The following EIF4G3 variants were observed in gnomAD, a reference collection of about 807,000 sequenced individuals.
EIF4G3 encodes eukaryotic translation initiation factor 4 gamma 3, also known as eIF-4-gamma 3.
Under a neutral mutation model 186.4 loss-of-function variants are expected in EIF4G3, and 34 were observed. The observed-to-expected ratio is 0.18, with a 90% CI of 0.14 to 0.24. EIF4G3 has a LOEUF of 0.24. Ranked by LOEUF, EIF4G3 falls within the 10% of genes least tolerant of loss-of-function variation. The pLI, the probability that EIF4G3 is intolerant of heterozygous loss-of-function variation, is 1.00. For missense variants in EIF4G3, 1,536 were observed against 1,948.5 expected, an observed-to-expected ratio of 0.79 and a Z score of 3.99; for synonymous variants, 673 against 679.5, an observed-to-expected ratio of 0.99 and a Z score of 0.15.
chr1:21,141,460 G>T (rs1435015906), intron 2 of EIF4G3, among the ~76,000 whole-genome samples: 35 of 112,052 alleles, frequency 3.1e-4, no homozygotes, highest in South Asian at 1.2e-3. Context: ...AAGAACTTTT[G>T]TATTTTTTTC....
intron 4 of EIF4G3, among the ~76,000 whole-genome samples, chr1:21,022,303 T>A (rs931829177): frequency 6.6e-6 from 1 of 152,224 alleles, no homozygotes; most frequent in Non-Finnish European, 1.5e-5. Flanking sequence ...TATCTGATTA[T>A]GCTAAATGTA....
intron 2 of EIF4G3, among the ~76,000 whole-genome samples, chr1:21,115,275 T>C (rs999913757): frequency 4.6e-5 from 7 of 152,158 alleles, no homozygotes; most frequent in African/African-American, 1.7e-4. Flanking sequence ...ATTGGCCTAA[T>C]TTCAATATAT....
At chr1:20,959,120 G>A (rs1267981842) in intron 12 of EIF4G3, among the ~76,000 whole-genome samples, 1 of 151,910 alleles carries the variant, frequency 6.6e-6, no homozygotes, top group Non-Finnish European at 1.5e-5. Flanking sequence ...AAATCTGGGG[G>A]CATCACAATT....
chr1:21,138,272 G>GTCAGAGCTC (rs1407468401), intron 2 of EIF4G3, among the ~76,000 whole-genome samples: 1 of 152,180 alleles, frequency 6.6e-6, no homozygotes, highest in East Asian at 1.9e-4. Context: ...GAAGCTAAAA[G>GTCAGAGCTC]TCAGAGCTCT....
chr1:21,079,988 CA>C (rs2095715473), intron 3 of EIF4G3, among the ~76,000 whole-genome samples: 2 of 151,512 alleles, frequency 1.3e-5, no homozygotes, highest in South Asian at 4.2e-4. Flanking sequence ...CCGTCACTAC[CA>C]AAAATATAAA....
intron 2 of EIF4G3, among the ~76,000 whole-genome samples, chr1:21,161,267 G>A (rs755821876): frequency 5.9e-5 from 9 of 152,150 alleles, no homozygotes; most frequent in Non-Finnish European, 1.2e-4. Flanking sequence ...ACTTTGGGAG[G>A]CCGAGGCGGG....
intron 33 of EIF4G3, among the ~76,000 whole-genome samples, chr1:20,821,821 C>T (rs2062450474): frequency 6.6e-6 from 1 of 152,034 alleles, no homozygotes; most frequent in Admixed American, 6.6e-5. Context: ...ATTATGTATA[C>T]ATCAGTTTTC....
intron 30 of EIF4G3, among the ~76,000 whole-genome samples, chr1:20,829,675 C>T (rs753648635): frequency 6.6e-6 from 1 of 152,198 alleles, no homozygotes; most frequent in Non-Finnish European, 1.5e-5. Flanking sequence ...ATCATATTCT[C>T]TGAGTCAGTC....
At chr1:21,072,692 A>G (rs1027342692) in intron 3 of EIF4G3, among the ~76,000 whole-genome samples, 3 of 152,140 alleles carry the variant, frequency 2.0e-5, no homozygotes, top group African/African-American at 7.2e-5. Flanking sequence ...GTGAGCCACC[A>G]CGCCTAGCCT....
chr1:20,815,651 G>GT (rs1472046959), intron 34 of EIF4G3, among the ~76,000 whole-genome samples: 1 of 67,282 alleles, frequency 1.5e-5, no homozygotes, highest in Non-Finnish European at 3.9e-5. Flanking sequence ...GAGGGAGGTG[G>GT]GGGGGGGTCA....
rs188579429 is a variant in EIF4G3, at chr1:21,018,356, C to T, written c.-66-15548G>A. 9.8e-3 allele frequency among the ~76,000 whole-genome samples: 1,485 copies of T among 151,986 alleles called. 22 individuals carry two copies. The highest frequency in any genetic ancestry group is 0.016 in the Non-Finnish European group (1,086 of 67,938). ...TAGCCCTTTGGGAGGCCGAGGCGGG[C>T]GGATCACAAGGTCAGTAGTTCAAGA... is the stretch of plus-strand genomic sequence containing the variant. On this transcript the variant is annotated intron_variant, in intron 4 of 36. Transcript: ENST00000602326.
chr1:21,051,063 T>C, intron 3 of EIF4G3, 69 bp from the exon 4 acceptor site: 1 of 699,020 alleles, frequency 1.4e-6, no homozygotes, highest in Non-Finnish European at 2.6e-6. Flanking sequence ...ACAGCTGAAC[T>C]ATCTGATTTT....
chr1:20,960,865 A>G (rs1476695199), intron 12 of EIF4G3, among the ~76,000 whole-genome samples: 1 of 152,232 alleles, frequency 6.6e-6, no homozygotes, highest in African/African-American at 2.4e-5. Flanking sequence ...ACATATGTCA[A>G]AGTATTTATT....
At chr1:20,984,446 A>G (rs2154567051) in intron 7 of EIF4G3, among the ~76,000 whole-genome samples, 1 of 151,174 alleles carries the variant, frequency 6.6e-6, no homozygotes, top group East Asian at 2.0e-4. Context: ...GATTACAAAC[A>G]TGAGCCACTG....
intron 2 of EIF4G3, among the ~76,000 whole-genome samples, chr1:21,152,006 G>T (rs1185482627): frequency 1.3e-5 from 2 of 152,168 alleles, no homozygotes; most frequent in African/African-American, 4.8e-5. Context: ...CATGAGGTAA[G>T]ACTGATCCAG....
In EIF4G3 at chr1:20,893,480, T is replaced by C. The variant is rs376861171; in HGVS notation, c.2253+37A>G. 3.9e-6 allele frequency: 6 copies of C among 1,555,912 alleles called. No individual in the cohort carries two copies. In the Admixed American group the frequency reaches 5.3e-5, roughly 14 times the overall value. On this transcript the variant is annotated intron_variant, in intron 18 of 36. Transcript: ENST00000602326. Reference sequence around the variant, plus strand: ...TAGGATTTCATGGAGTCTGTGCCAGTGTCTAACTAAGTGAGTTGTAGGGAA... The same window carrying C: ...TAGGATTTCATGGAGTCTGTGCCAGCGTCTAACTAAGTGAGTTGTAGGGAA...
chr1:21,046,808 T>G (rs1164274590), intron 4 of EIF4G3, among the ~76,000 whole-genome samples: 1 of 152,206 alleles, frequency 6.6e-6, no homozygotes, highest in Non-Finnish European at 1.5e-5. Flanking sequence ...TTCAAACTCT[T>G]GGAGATAGCT....
intron 14 of EIF4G3, among the ~76,000 whole-genome samples, chr1:20,906,561 T>C (rs558429199): frequency 6.1e-4 from 93 of 152,118 alleles, no homozygotes; most frequent in Non-Finnish European, 1.2e-3. Context: ...AAAACAAAGA[T>C]AAACTTTTCT....
intron 2 of EIF4G3, among the ~76,000 whole-genome samples, chr1:21,160,095 G>A (rs1308936691): frequency 7.0e-5 from 9 of 128,438 alleles, no homozygotes; most frequent in South Asian, 2.4e-4. Flanking sequence ...CAGCAAGAGC[G>A]AAACTCCATC....
Sources: gnomAD v4.1 joint callset for allele counts (sites outside exome capture counted in the v4.1 genomes callset) on GRCh38, gnomAD v4.1.1 for gene constraint, MANE v1.5 for transcripts, NCBI Gene and HGNC (gene_info 2026-07-23, HGNC 2026-07-21) for gene names.